The following FAT4 variants were observed in gnomAD, a reference collection of about 807,000 sequenced individuals.
FAT4 encodes the protein FAT atypical cadherin 4, also known as protocadherin Fat 4.
A neutral mutation model predicts 303.9 loss-of-function variants in FAT4; 84 were observed. That is an observed-to-expected ratio of 0.28 (90% CI 0.23 to 0.33). The LOEUF (loss-of-function observed/expected upper bound fraction) is 0.33, where lower values mean the gene tolerates loss of function less well. Ranked by LOEUF, FAT4 falls within the 10% of genes least tolerant of loss-of-function variation. The probability of loss-of-function intolerance (pLI) is 1.00; values close to 1 mark genes in which losing one functional copy is unlikely to be tolerated. For missense variants in FAT4, 6,005 were observed against 6,146.8 expected (o/e 0.98, Z 0.77); for synonymous variants, 2,307 against 2,298.8 (o/e 1.00, Z -0.10).
At position 125,448,525 on chromosome 4, in the gene FAT4, T is replaced by C; in HGVS notation, c.7515T>C (p.Tyr2505=). ...ADIGPNSELH[Y]SLSGRNSEKF... ...TTGGACCAAATTCTGAACTGCATTA[T>C]TCTCTTTCGGGTAGAAATTCTGAAA... Residue 2505 remains tyrosine (Y), a synonymous_variant, in exon 10 of 18, where the codon TAT becomes TAC. Coordinates refer to ENST00000394329, the MANE Select transcript of FAT4 (RefSeq NM_001291303.3). 1.2e-6 allele frequency: 2 copies of C among 1,613,924 alleles called. No homozygotes were observed. Among genetic ancestry groups the C allele is most frequent in the Non-Finnish European group, 1.7e-6 (2 of 1,179,890 alleles).
intron 7 of FAT4, among the ~76,000 whole-genome samples, chr4:125,424,619 T>A (rs1197089149): frequency 6.6e-6 from 1 of 152,196 alleles, no homozygotes; most frequent in Non-Finnish European, 1.5e-5. Context: ...TATTGCTTTT[T>A]CACAAAATGT....
chr4:125,350,784 T>C (rs896120852), intron 2 of FAT4, among the ~76,000 whole-genome samples: 3 of 151,668 alleles, frequency 2.0e-5, no homozygotes, highest in African/African-American at 7.3e-5. Context: ...CCTCATTCTC[T>C]ACAGTAAGCC....
intron 2 of FAT4, among the ~76,000 whole-genome samples, chr4:125,331,231 G>A (rs1000692418): frequency 1.3e-5 from 2 of 152,046 alleles, no homozygotes; most frequent in African/African-American, 4.8e-5. Flanking sequence ...TCTGCTATAT[G>A]CACAGCACCT....
In FAT4 at chr4:125,406,938, T is replaced by C. The variant is rs996988277; in HGVS notation, c.5366T>C (p.Ile1789Thr). The C allele has an allele frequency of 1.2e-6, 2 of 1,613,890 alleles. No homozygotes were observed. The highest frequency in any genetic ancestry group is 1.7e-5 in the Admixed American group (1 of 59,980). Residue 1789 changes from isoleucine to threonine, a missense_variant, in exon 4 of 18, where the codon ATC (isoleucine) becomes ACC (threonine). Ile to Thr is a moderately conservative substitution (Grantham distance 89). Coordinates refer to ENST00000394329, the MANE Select transcript of FAT4 (RefSeq NM_001291303.3). ...IISGADDSFRIDPESGDLIAT... is the reference protein window; with the variant it reads ...IISGADDSFRTDPESGDLIAT... Reference sequence around the variant, plus strand: ...AGTGGAGCTGATGATAGTTTTCGCATCGACCCAGAATCCGGAGATCTGATA... The same window carrying C: ...AGTGGAGCTGATGATAGTTTTCGCACCGACCCAGAATCCGGAGATCTGATA...
intron 2 of FAT4, among the ~76,000 whole-genome samples, 185 bp from the exon 3 acceptor site, chr4:125,398,599 T>G (rs1026248110): frequency 6.6e-6 from 1 of 152,140 alleles, no homozygotes; most frequent in Non-Finnish European, 1.5e-5. Flanking sequence ...TTATTTCGAC[T>G]TTATGTTTTC....
Position 125,415,126 on chromosome 4 carries a change from A to C in FAT4, c.6163A>C (p.Lys2055Gln). The change falls in exon 6 of 18, where the codon AAA (lysine) becomes CAA (glutamine). Residue 2055 changes from lysine to glutamine, a missense_variant. Coordinates refer to ENST00000394329, the MANE Select transcript of FAT4 (RefSeq NM_001291303.3). ...TAACCCACCGACATTTCTTTCCCCT[A>C]AATTGACATACATTCCAGAAAATAC... ...NDNPPTFLSP[K>Q]LTYIPENTPI... 1 of 1,614,062 alleles carries C rather than the reference A, an allele frequency of 6.2e-7. No homozygotes were observed. Among genetic ancestry groups the C allele is most frequent in the Non-Finnish European group, 8.5e-7 (1 of 1,179,954 alleles).
chr4:125,463,433 A>C, intron 10 of FAT4, 130 bp from the exon 11 acceptor site: 1 of 473,604 alleles, frequency 2.1e-6, no homozygotes, highest in Non-Finnish European at 3.7e-6. Context: ...CCTTATGTCA[A>C]GTAAAACGTT....
At position 125,452,229 on chromosome 4, in the gene FAT4, G is replaced by C; in HGVS notation, c.11219G>C (p.Ser3740Thr). 1 of 1,614,210 alleles carries C rather than the reference G, an allele frequency of 6.2e-7. No homozygotes were observed. Residue 3740 changes from serine (S) to threonine (T), a missense_variant, in exon 10 of 18, where the codon AGC becomes ACC. Physicochemically the swap from Ser to Thr is moderately conservative, Grantham distance 58 (BLOSUM62 1). Transcript: ENST00000394329. ...NHYLHFLRIA[S>T]SQLTGLGTAV... ...TATCTTCATTTTTTACGCATTGCCA[G>C]CTCACAGCTGACAGGCTTAGGGACT... is the stretch of plus-strand genomic sequence containing the variant.
intron 2 of FAT4, among the ~76,000 whole-genome samples, chr4:125,377,332 A>C (rs760722534): frequency 7.2e-6 from 1 of 139,580 alleles, no homozygotes; most frequent in Non-Finnish European, 1.5e-5. Flanking sequence ...ATTCTTTATC[A>C]AAAAAAAACA....
At chr4:125,333,782 A>G (rs1319112251) in intron 2 of FAT4, among the ~76,000 whole-genome samples, 2 of 152,204 alleles carry the variant, frequency 1.3e-5, no homozygotes, top group African/African-American at 4.8e-5. Flanking sequence ...TGAGATAACA[A>G]AATTTGCTAT....
rs1726136833 is a variant in FAT4, at chr4:125,452,641, A to G, written c.11631A>G (p.Gly3877=). ...TTCCATCACCTTGCCACAGTGGTGGAACCTGTCACAATTTAGTGGGAGGAT... is the reference window on the plus strand; with the variant it reads ...TTCCATCACCTTGCCACAGTGGTGGGACCTGTCACAATTTAGTGGGAGGAT... ...ECLPSPCHSG[G]TCHNLVGGFS... is the part of the protein sequence containing the mutation. Residue 3877 remains glycine (G), a synonymous_variant, in exon 10 of 18, where the codon GGA becomes GGG. Transcript: ENST00000394329. 6.2e-7 allele frequency: 1 copy of G among 1,613,998 alleles called. No homozygotes were observed. Among genetic ancestry groups the G allele is most frequent in the Non-Finnish European group, 8.5e-7 (1 of 1,180,000 alleles).
chr4:125,460,188 T>C (rs540440899), intron 10 of FAT4, among the ~76,000 whole-genome samples: 12 of 152,188 alleles, frequency 7.9e-5, no homozygotes, highest in African/African-American at 2.6e-4. Flanking sequence ...AAATAGTAAA[T>C]AATTTACATA....
rs1206972003 is a variant in FAT4, at chr4:125,315,309, G to T, written c.-681G>T. Among the ~76,000 whole-genome samples, 1 of 151,980 alleles carries T rather than the reference G, an allele frequency of 6.6e-6. No individual in the cohort carries two copies. The highest frequency in any genetic ancestry group is 2.4e-5 in the African/African-American group (1 of 41,398). ...GCTGCCAACTGTGAAGGAGAGAGAG[G>T]CATCAACCACCCCCCGCCCCAAACA... On this transcript the variant is annotated 5_prime_UTR_variant, in exon 1 of 18. Coordinates refer to ENST00000394329, the MANE Select transcript of FAT4 (RefSeq NM_001291303.3).
At chr4:125,440,581 T>TTG (rs768799104) in intron 8 of FAT4, among the ~76,000 whole-genome samples, 52 of 117,686 alleles carry the variant, frequency 4.4e-4, no homozygotes, top group African/African-American at 1.1e-3. Flanking sequence ...TTCTCAGTAC[T>TTG]TGTGTGTGTG....
intron 16 of FAT4, among the ~76,000 whole-genome samples, chr4:125,483,090 T>G (rs1727285645): frequency 6.6e-6 from 1 of 152,202 alleles, no homozygotes; most frequent in African/African-American, 2.4e-5. Flanking sequence ...ATATCATTAG[T>G]GCCAAATGGC....
chr4:125,483,435 A>T (rs923823421), intron 16 of FAT4, among the ~76,000 whole-genome samples: 6 of 152,302 alleles, frequency 3.9e-5, no homozygotes, highest in African/African-American at 1.4e-4. Flanking sequence ...ATATTTCTGT[A>T]CTAACGTACA....
intron 16 of FAT4, among the ~76,000 whole-genome samples, chr4:125,487,046 T>G (rs1039024421): frequency 6.6e-6 from 1 of 152,178 alleles, no homozygotes; most frequent in African/African-American, 2.4e-5. Context: ...ATAATTTAAT[T>G]ATCTTAAATG....
intron 2 of FAT4, among the ~76,000 whole-genome samples, chr4:125,331,791 T>A (rs1238328688): frequency 6.6e-6 from 1 of 152,208 alleles, no homozygotes; most frequent in African/African-American, 2.4e-5. Context: ...CATTCCTTTT[T>A]TCTAATTTAC....
intron 11 of FAT4, among the ~76,000 whole-genome samples, chr4:125,466,582 G>A (rs1377095041): frequency 6.7e-6 from 1 of 148,860 alleles, no homozygotes; most frequent in South Asian, 2.1e-4. Context: ...CCACAGAAAT[G>A]TATAAAATAC....
Sources: allele counts gnomAD v4.1 joint callset (sites outside exome capture counted in the v4.1 genomes callset), GRCh38; gene constraint gnomAD v4.1.1; transcripts MANE v1.5; gene names NCBI Gene and HGNC (gene_info 2026-07-23, HGNC 2026-07-21).